DHX15: variants seen among roughly 807,000 people sequenced by gnomAD.
The protein encoded by DHX15 is ATP-dependent RNA helicase DHX15.
In DHX15, 11 loss-of-function variants were observed where a neutral mutation model predicts 94.4. The observed-to-expected ratio is 0.12, with a 90% confidence interval of 0.07 to 0.19. The LOEUF is 0.19. DHX15 is among the 10% of genes least tolerant of loss of function. DHX15 has a pLI of 1.00. For missense variants in DHX15, 304 were observed against 988.5 expected (o/e 0.31, Z 9.29); for synonymous variants, 338 against 329.9 (o/e 1.02, Z -0.27).
intron 2 of DHX15, among the ~76,000 whole-genome samples, chr4:24,574,205 C>CAAAAAAAAAAAAAAAATA (rs1722189637): frequency 1.5e-5 from 1 of 68,876 alleles, no homozygotes. Context: ...GACTTTGTCT[C>CAAAAAAAAAAAAAAAATA]AAAAAAAAAA....
At chr4:24,528,445 T>C (rs1008995540) in intron 13 of DHX15, among the ~76,000 whole-genome samples, 7 of 152,204 alleles carry the variant, frequency 4.6e-5, no homozygotes, top group African/African-American at 1.7e-4. Context: ...TTCAATGTTT[T>C]AATAACTGTA....
intron 10 of DHX15, chr4:24,538,730 A>G (rs890091070): frequency 1.3e-4 from 18 of 142,226 alleles, no homozygotes; most frequent in Admixed American, 4.7e-4. Context: ...GTAATAAATA[A>G]AAATAAGTTT....
At position 24,527,615 on chromosome 4, in the gene DHX15, A is replaced by T; in HGVS notation, c.*309T>A. ...AACGATCATGCATACCATGGTCGATAATCACATTTTAGAAGCATTTTCAAC... is the reference window on the plus strand; with the variant it reads ...AACGATCATGCATACCATGGTCGATTATCACATTTTAGAAGCATTTTCAAC... On this transcript the variant is annotated 3_prime_UTR_variant, in exon 14 of 14. Coordinates refer to ENST00000336812, the MANE Select transcript of DHX15 (RefSeq NM_001358.3). 1 of 243,888 alleles carries T rather than the reference A, an allele frequency of 4.1e-6. No homozygotes were observed. The allele number at this position is 243,888 out of a possible 1,614,324, so 15.1% of individuals were successfully genotyped here.
At chr4:24,574,591 A>G (rs1056104807) in intron 2 of DHX15, among the ~76,000 whole-genome samples, 2 of 152,232 alleles carry the variant, frequency 1.3e-5, no homozygotes, top group Non-Finnish European at 2.9e-5. Flanking sequence ...AACTTTAGAT[A>G]TAAAGACAAA....
chr4:24,553,057 T>C (rs1425270728), intron 5 of DHX15, among the ~76,000 whole-genome samples: 1 of 152,246 alleles, frequency 6.6e-6, no homozygotes, highest in African/African-American at 2.4e-5. Flanking sequence ...GTGCAGTGGC[T>C]CACGCCTGTA....
At position 24,549,040 on chromosome 4, in the gene DHX15, G is replaced by T; in HGVS notation, c.1081-18C>A. On this transcript the variant is annotated intron_variant, in intron 5 of 13. Transcript: ENST00000336812. Reference sequence around the variant, plus strand: ...TCAATTTCCTACAAAATAAAAGTGAGTCTAAAAACGAATACTGAAACATTT... The same window carrying T: ...TCAATTTCCTACAAAATAAAAGTGATTCTAAAAACGAATACTGAAACATTT... 6.3e-7 allele frequency: 1 copy of T among 1,594,838 alleles called. No individual in the cohort carries two copies. The highest frequency in any genetic ancestry group is 8.6e-7 in the Non-Finnish European group (1 of 1,169,384).
chr4:24,556,893 T>C (rs1181650546), intron 3 of DHX15, among the ~76,000 whole-genome samples: 1 of 152,176 alleles, frequency 6.6e-6, no homozygotes, highest in Non-Finnish European at 1.5e-5. Context: ...CAACAGGCTC[T>C]TGGTTCAAAA....
Position 24,570,647 on chromosome 4 carries a change from T to C in DHX15, c.701+7A>G, listed in dbSNP as rs1722102133. Reference sequence around the variant, plus strand: ...ACTAAAAGCGTCATTAAAGATATAGTACTTACTTAAGAATGGTTTTTGCAC... The same window carrying C: ...ACTAAAAGCGTCATTAAAGATATAGCACTTACTTAAGAATGGTTTTTGCAC... On this transcript the variant is annotated splice_region_variant and intron_variant, in intron 3 of 13. Coordinates refer to ENST00000336812, the MANE Select transcript of DHX15 (RefSeq NM_001358.3). 1 of 1,613,494 alleles carries C rather than the reference T, an allele frequency of 6.2e-7. No individual in the cohort carries two copies. The highest frequency in any genetic ancestry group is 1.3e-5 in the African/African-American group (1 of 74,906).
At chr4:24,557,021 T>A (rs1721752734) in intron 3 of DHX15, among the ~76,000 whole-genome samples, 1 of 152,050 alleles carries the variant, frequency 6.6e-6, no homozygotes, top group South Asian at 2.1e-4. Context: ...TGCTGATACA[T>A]AAATGGAAGA....
intron 11 of DHX15, among the ~76,000 whole-genome samples, chr4:24,536,708 T>C (rs918935438): frequency 6.6e-6 from 1 of 152,186 alleles, no homozygotes; most frequent in Non-Finnish European, 1.5e-5. Flanking sequence ...GTAATGATTG[T>C]ATAAACAATA....
chr4:24,583,592 A>T (rs1327341373), intron 1 of DHX15, among the ~76,000 whole-genome samples: 1 of 152,006 alleles, frequency 6.6e-6, no homozygotes, highest in Non-Finnish European at 1.5e-5. Flanking sequence ...GAAGTTTGCT[A>T]GTATCTACTT....
intron 11 of DHX15, among the ~76,000 whole-genome samples, chr4:24,535,106 T>A (rs539766843): frequency 6.6e-6 from 1 of 152,108 alleles, no homozygotes; most frequent in Non-Finnish European, 1.5e-5. Context: ...TGGCTAATCA[T>A]CCCTTTGGCA....
At chr4:24,574,208 A>AAAAG (rs1343606512) in intron 2 of DHX15, among the ~76,000 whole-genome samples, 12 of 81,232 alleles carry the variant, frequency 1.5e-4, no homozygotes, top group African/African-American at 4.7e-4. Context: ...TTTGTCTCAA[A>AAAAG]AAAAAAAAAA....
Position 24,582,499 on chromosome 4 carries a change from T to C in DHX15, c.71+1824A>G, listed in dbSNP as rs572747132. 3.7e-4 allele frequency among the ~76,000 whole-genome samples: 56 copies of C among 152,346 alleles called. 1 individual carries two copies. Among genetic ancestry groups the C allele is most frequent in the East Asian group, 7.7e-4 (4 of 5,190 alleles). On this transcript the variant is annotated intron_variant, in intron 1 of 13. Coordinates refer to ENST00000336812, the MANE Select transcript of DHX15 (RefSeq NM_001358.3). Reference sequence around the variant, plus strand: ...ATTCATTCATTCCCTCCCAGAATATTTTGTTCCAATCTGACCTCCTGTGAG... The same window carrying C: ...ATTCATTCATTCCCTCCCAGAATATCTTGTTCCAATCTGACCTCCTGTGAG...
intron 6 of DHX15, among the ~76,000 whole-genome samples, chr4:24,544,209 CACTT>C (rs940722795): frequency 5.3e-4 from 80 of 152,154 alleles, no homozygotes; most frequent in African/African-American, 1.8e-3. Context: ...ATTTTAAAAA[CACTT>C]AATTTTATAA....
At chr4:24,548,174 G>A (rs1220004943) in intron 6 of DHX15, among the ~76,000 whole-genome samples, 10 of 133,048 alleles carry the variant, frequency 7.5e-5, no homozygotes, top group African/African-American at 2.6e-4. Flanking sequence ...AGATGGAGTC[G>A]CGCTGTCGCC....
chr4:24,541,764 G>A (rs1316805810), intron 8 of DHX15, 109 bp downstream of exon 8: 1 of 1,168,118 alleles, frequency 8.6e-7, no homozygotes, highest in Non-Finnish European at 1.2e-6. Flanking sequence ...AAGCTAAGGA[G>A]CTTTTAATCC....
chr4:24,576,164 T>G (rs983439425), intron 2 of DHX15, 79 bp downstream of exon 2: 7 of 1,157,602 alleles, frequency 6.0e-6, no homozygotes, highest in African/African-American at 3.1e-5. Flanking sequence ...ACAAGGGAAA[T>G]GACCACCAGA....
In DHX15 at chr4:24,529,589, A is replaced by C; in HGVS notation, c.2270+12T>G. 1 of 1,612,702 alleles carries C rather than the reference A, an allele frequency of 6.2e-7. No homozygotes were observed. The highest frequency in any genetic ancestry group is 1.7e-4 in the Middle Eastern group (1 of 6,054). On this transcript the variant is annotated intron_variant, in intron 13 of 13. Transcript: ENST00000336812. The stretch of plus-strand genomic sequence containing the variant: ...ACTAACAAAAAACTGTTAGAACAAA[A>C]GGTGTACTTACCATTCTGGCTTGAT...
Sources: allele counts gnomAD v4.1 joint callset (sites outside exome capture counted in the v4.1 genomes callset), GRCh38; gene constraint gnomAD v4.1.1; transcripts MANE v1.5; gene names NCBI Gene and HGNC (gene_info 2026-07-23, HGNC 2026-07-21).